Variants in AGBL4 observed in about 807,000 individuals in gnomAD.
AGBL4 encodes cytosolic carboxypeptidase 6.
Under a neutral mutation model 66.4 loss-of-function variants are expected in AGBL4, and 58 were observed. That is an observed-to-expected ratio of 0.87 (90% CI 0.71 to 1.09). The LOEUF is 1.09. AGBL4 is among the 50% of genes least tolerant of loss of function. The probability of loss-of-function intolerance (pLI) is 0.00; values close to 1 mark genes in which losing one functional copy is unlikely to be tolerated. For synonymous variants in AGBL4, 234 were observed against 222.9 expected (o/e 1.05, Z -0.44); for missense variants, 579 against 631.0 (o/e 0.92, Z 0.88).
At chr1:49,283,439 C>T (rs940575036) in intron 3 of AGBL4, among the ~76,000 whole-genome samples, 9 of 152,016 alleles carry the variant, frequency 5.9e-5, no homozygotes, top group Non-Finnish European at 7.4e-5. Context: ...AACAGAAAAA[C>T]GAAACTCTAA....
At chr1:48,949,502 A>C (rs927570485) in intron 5 of AGBL4, among the ~76,000 whole-genome samples, 1 of 152,238 alleles carries the variant, frequency 6.6e-6, no homozygotes, top group Non-Finnish European at 1.5e-5. Flanking sequence ...AATGGGACAC[A>C]TTCTCCATGT....
At chr1:49,399,289 A>G (rs562769841) in intron 3 of AGBL4, among the ~76,000 whole-genome samples, 1 of 152,162 alleles carries the variant, frequency 6.6e-6, no homozygotes, top group Non-Finnish European at 1.5e-5. Flanking sequence ...TATTGTGAAT[A>G]GTGCTGCAAT....
At chr1:49,190,589 C>A (rs1647098706) in intron 4 of AGBL4, among the ~76,000 whole-genome samples, 1 of 152,120 alleles carries the variant, frequency 6.6e-6, no homozygotes, top group Non-Finnish European at 1.5e-5. Context: ...TCACCCTTCA[C>A]CATGGTGGGT....
At chr1:49,244,562 G>T (rs1651484661) in intron 4 of AGBL4, among the ~76,000 whole-genome samples, 1 of 151,774 alleles carries the variant, frequency 6.6e-6, no homozygotes, top group South Asian at 2.1e-4. Context: ...ATCATTTGGA[G>T]ATAAAAGCGC....
At chr1:49,554,578 G>GA (rs923493800) in intron 3 of AGBL4, among the ~76,000 whole-genome samples, 1 of 152,174 alleles carries the variant, frequency 6.6e-6, no homozygotes, top group Non-Finnish European at 1.5e-5. Context: ...GTATTTTTAA[G>GA]AAAACATGCT....
intron 3 of AGBL4, among the ~76,000 whole-genome samples, chr1:49,354,621 T>C (rs1643981306): frequency 6.6e-6 from 1 of 152,196 alleles, no homozygotes; most frequent in South Asian, 2.1e-4. Context: ...TAAAACCTCA[T>C]GTAACATCTC....
At chr1:49,920,135 C>T (rs1274488478) in intron 1 of AGBL4, among the ~76,000 whole-genome samples, 1 of 152,258 alleles carries the variant, frequency 6.6e-6, no homozygotes. Context: ...CCATAAAAAC[C>T]CTAGAAGAAG....
chr1:49,602,875 A>C (rs1035465702), intron 3 of AGBL4, among the ~76,000 whole-genome samples: 5 of 151,828 alleles, frequency 3.3e-5, no homozygotes, highest in Admixed American at 6.6e-5. Flanking sequence ...AAAAATCTAG[A>C]TGAAGGCAAA....
chr1:49,915,556 G>A (rs1651359967), intron 1 of AGBL4, among the ~76,000 whole-genome samples: 1 of 152,196 alleles, frequency 6.6e-6, no homozygotes, highest in African/African-American at 2.4e-5. Context: ...CGCCATTGCT[G>A]AGGCTTGAGT....
intron 5 of AGBL4, among the ~76,000 whole-genome samples, chr1:48,957,984 C>A (rs1557500839): frequency 6.6e-6 from 1 of 152,068 alleles, no homozygotes; most frequent in Admixed American, 6.5e-5. Context: ...ATGACTTCTG[C>A]AGGCTTGTTT....
chr1:49,539,451 T>C (rs1361117333), intron 3 of AGBL4, among the ~76,000 whole-genome samples: 1 of 152,204 alleles, frequency 6.6e-6, no homozygotes, highest in Non-Finnish European at 1.5e-5. Context: ...ACACACACAC[T>C]TCAATCTCCT....
At position 48,864,742 on chromosome 1, in the gene AGBL4, T is replaced by C. The variant is rs528688660; in HGVS notation, c.634+2449A>G. ...TTTGATACAAAGATAAGGAAAAACA[T>C]TGAATTCATGACAGTGCTTACCTGT... On this transcript the variant is annotated intron_variant, in intron 6 of 13. Transcript: ENST00000371839. 3.9e-5 allele frequency among the ~76,000 whole-genome samples: 6 copies of C among 152,162 alleles called. No individual in the cohort carries two copies. The South Asian group carries it at 1.2e-3, about 32-fold the overall frequency.
rs572605027 is a variant in AGBL4 at position 49,264,550 on chromosome 1, GT to G, written c.283-18687del. Among the ~76,000 whole-genome samples the G allele has an allele frequency of 9.5e-4, 139 of 145,744 alleles. No individual in the cohort carries two copies. The South Asian group carries it at 0.018, about 19-fold the overall frequency. On this transcript the variant is annotated intron_variant, in intron 3 of 13. Transcript: ENST00000371839. ...TTATCCTAATGACAGCCTCCCATAA[GT>G]TTTTTTTTTTTTGAGACGGAGTCTC... is the stretch of plus-strand genomic sequence containing the variant.
chr1:49,643,385 A>G (rs756835301), intron 3 of AGBL4, among the ~76,000 whole-genome samples: 1 of 151,798 alleles, frequency 6.6e-6, no homozygotes, highest in Non-Finnish European at 1.5e-5. Flanking sequence ...AATAGAGTTC[A>G]CAAAGGAAAT....
intron 5 of AGBL4, among the ~76,000 whole-genome samples, chr1:48,870,313 C>T (rs781222434): frequency 3.9e-5 from 6 of 151,994 alleles, no homozygotes; most frequent in Non-Finnish European, 8.8e-5. Context: ...GTCTTTCTCA[C>T]TAGGAGAAAG....
intron 6 of AGBL4, among the ~76,000 whole-genome samples, chr1:48,763,470 T>G (rs545871094): frequency 2.6e-5 from 4 of 152,040 alleles, no homozygotes; most frequent in South Asian, 2.1e-4. Context: ...TGGTGTTTTT[T>G]TGTGTGTGTG....
intron 6 of AGBL4, among the ~76,000 whole-genome samples, chr1:48,738,299 A>G (rs1177325324): frequency 2.0e-5 from 3 of 152,234 alleles, no homozygotes; most frequent in Admixed American, 6.5e-5. Flanking sequence ...AGACTGCTGC[A>G]GGCAATCAGA....
intron 3 of AGBL4, among the ~76,000 whole-genome samples, chr1:49,382,442 T>A (rs1435728454): frequency 1.3e-5 from 2 of 152,040 alleles, no homozygotes; most frequent in Non-Finnish European, 2.9e-5. Context: ...GAAAAAAAAT[T>A]TTTTGACAAA....
intron 3 of AGBL4, among the ~76,000 whole-genome samples, chr1:49,536,915 G>T (rs949699080): frequency 2.0e-5 from 3 of 151,932 alleles, no homozygotes; most frequent in African/African-American, 7.3e-5. Flanking sequence ...GCTGAGGCAG[G>T]AGAATCACTT....
Sources: gnomAD v4.1 joint callset for allele counts (sites outside exome capture counted in the v4.1 genomes callset) on GRCh38, gnomAD v4.1.1 for gene constraint, MANE v1.5 for transcripts, NCBI Gene and HGNC (gene_info 2026-07-23, HGNC 2026-07-21) for gene names.